The following CD8B2 variants were observed in gnomAD, a reference collection of about 807,000 sequenced individuals.
The protein encoded by CD8B2 is T-cell surface glycoprotein CD8 beta-2 chain.
In CD8B2, 11 loss-of-function variants were observed where a neutral mutation model predicts 23.7. That is an observed-to-expected ratio of 0.46 (90% CI 0.29 to 0.77). The LOEUF is 0.77. Ranked by LOEUF, CD8B2 falls within the 30% of genes least tolerant of loss-of-function variation. The pLI is 0.09. For synonymous variants in CD8B2, 90 were observed against 109.3 expected, an observed-to-expected ratio of 0.82 and a Z score of 1.10; for missense variants, 197 against 270.5, an observed-to-expected ratio of 0.73 and a Z score of 1.91.
At chr2:106,494,962 G>A (rs921232129) in intron 2 of CD8B2, among the ~76,000 whole-genome samples, 4 of 152,108 alleles carry the variant, frequency 2.6e-5, no homozygotes, top group African/African-American at 9.7e-5. Flanking sequence ...GCAGAAAAGG[G>A]CACCCCCTCC....
chr2:106,543,554 A>G (rs768899454), intron 5 of CD8B2, among the ~76,000 whole-genome samples: 30 of 151,874 alleles, frequency 2.0e-4, no homozygotes, highest in Non-Finnish European at 3.4e-4. Context: ...AATTAAACAA[A>G]ATAAAGAATA....
chr2:106,515,827 C>T (rs912295873), downstream of CD8B2, among the ~76,000 whole-genome samples: 7 of 89,840 alleles, frequency 7.8e-5, no homozygotes, highest in South Asian at 2.1e-3. Context: ...CTTTAGACTC[C>T]TCTTTTTTTT....
intron 1 of CD8B2, 72 bp downstream of exon 1, chr2:106,487,541 G>A (rs1679100613): frequency 1.1e-6 from 1 of 931,116 alleles, no homozygotes; most frequent in Non-Finnish European, 1.4e-6. Context: ...ATACGTGGCT[G>A]TCCTGGCCCT....
Position 106,507,357 on chromosome 2 carries a change from CT to C in CD8B2, c.*418del. The stretch of plus-strand genomic sequence containing the variant: ...CATGGGGTGATGCTGGGCTGGCTCC[CT>C]CTTGGTCTTCCCAGGCTGGGGCTGA... On this transcript the variant is annotated 3_prime_UTR_variant, in exon 6 of 6. Coordinates refer to ENST00000643224, the MANE Select transcript of CD8B2 (RefSeq NM_001349727.2). 1 of 990,296 alleles carries C rather than the reference CT, an allele frequency of 1.0e-6. No individual in the cohort carries two copies. The highest frequency in any genetic ancestry group is 1.2e-6 in the Non-Finnish European group (1 of 833,068). The allele number at this position is 990,296 out of a possible 1,614,324, so 61.3% of individuals were successfully genotyped here.
In CD8B2 at chr2:106,504,393, C is replaced by T. The variant is rs372288662; in HGVS notation, c.620+68C>T. ...TGCTGCAGCTTGCAGCCTCTAACTG[C>T]GGCGAGGAGCCAAAGTCAGACCTCA... On this transcript the variant is annotated intron_variant, in intron 5 of 5. Coordinates refer to ENST00000643224, the MANE Select transcript of CD8B2 (RefSeq NM_001349727.2). The T allele has an allele frequency of 7.7e-5, 119 of 1,551,812 alleles. No individual in the cohort carries two copies. In the African/African-American group the frequency reaches 1.1e-3, roughly 15 times the overall value.
At chr2:106,512,804 G>A (rs2104564149), downstream of CD8B2, among the ~76,000 whole-genome samples, 1 of 152,204 alleles carries the variant, frequency 6.6e-6, no homozygotes, top group Admixed American at 6.5e-5. Flanking sequence ...TGTGTGCCCA[G>A]CCAGCCCTGT....
At chr2:106,522,697 GA>G (rs1174418504) in intron 5 of CD8B2, among the ~76,000 whole-genome samples, 6 of 152,154 alleles carry the variant, frequency 3.9e-5, no homozygotes, top group Non-Finnish European at 8.8e-5. Context: ...GAGCCACTGG[GA>G]CTCACATACT....
chr2:106,519,884 G>A (rs2104567820), intron 5 of CD8B2, among the ~76,000 whole-genome samples: 1 of 152,334 alleles, frequency 6.6e-6, no homozygotes, highest in East Asian at 1.9e-4. Flanking sequence ...GAGCCCGTGG[G>A]CCACAGGTTG....
In CD8B2 at chr2:106,524,181, G is replaced by A. The variant is rs190879972; in HGVS notation, c.621-19811G>A. Among the ~76,000 whole-genome samples, 214 of 152,284 alleles carry A rather than the reference G, an allele frequency of 1.4e-3. 2 individuals carry two copies. Among genetic ancestry groups the A allele is most frequent in the Admixed American group, 4.8e-3 (74 of 15,292 alleles). On this transcript the variant is annotated intron_variant, in intron 5 of 5. Coordinates refer to the CD8B2 transcript ENST00000416057. ...TTCCCACTAGCCTGACATAATAGTA[G>A]GCTGGCTTCCTGGGCTGGTTATTGT...
chr2:106,499,524 C>T (rs1427151279), intron 3 of CD8B2, among the ~76,000 whole-genome samples: 1 of 110,604 alleles, frequency 9.0e-6, no homozygotes. Context: ...AGAGCAAGAC[C>T]CTGTCTCAAA....
chr2:106,527,343 G>T (rs1477833602), intron 5 of CD8B2, among the ~76,000 whole-genome samples: 2 of 152,218 alleles, frequency 1.3e-5, no homozygotes, highest in Non-Finnish European at 2.9e-5. Flanking sequence ...CTGGTCGCAG[G>T]TTCCTGCAAC....
intron 2 of CD8B2, among the ~76,000 whole-genome samples, chr2:106,495,358 T>G (rs1207349063): frequency 6.6e-6 from 1 of 151,840 alleles, no homozygotes; most frequent in Non-Finnish European, 1.5e-5. Flanking sequence ...CCGTCTCTAC[T>G]AAAAATACAA....
intron 5 of CD8B2, chr2:106,537,968 T>C (rs2104576740): frequency 6.6e-6 from 1 of 152,300 alleles, no homozygotes; most frequent in East Asian, 1.9e-4. Context: ...GTGAGGCTCC[T>C]TTTCTGACCT....
chr2:106,517,827 C>G (rs1191472682), intron 5 of CD8B2, among the ~76,000 whole-genome samples: 3 of 152,068 alleles, frequency 2.0e-5, no homozygotes. Context: ...GTTCTCCTGC[C>G]TCAGCCTCCC....
At chr2:106,535,869 G>T (rs571764181) in intron 5 of CD8B2, among the ~76,000 whole-genome samples, 1 of 152,228 alleles carries the variant, frequency 6.6e-6, no homozygotes, top group East Asian at 1.9e-4. Context: ...GGGTTAATGG[G>T]CTGACAGTTC....
intron 5 of CD8B2, among the ~76,000 whole-genome samples, chr2:106,532,544 A>G (rs1393429681): frequency 6.6e-6 from 1 of 152,262 alleles, no homozygotes; most frequent in Non-Finnish European, 1.5e-5. Flanking sequence ...AGTAGCCCCA[A>G]GGGCTGCCAG....
chr2:106,487,974 C>T (rs1679110558), intron 1 of CD8B2, among the ~76,000 whole-genome samples: 1 of 152,104 alleles, frequency 6.6e-6, no homozygotes. Context: ...TCCCGTTCTC[C>T]CTGATGTGGC....
intron 5 of CD8B2, among the ~76,000 whole-genome samples, chr2:106,520,577 C>T (rs1434149129): frequency 6.6e-6 from 1 of 152,186 alleles, no homozygotes; most frequent in Non-Finnish European, 1.5e-5. Flanking sequence ...GACATGAACA[C>T]ACACAAGGAG....
intron 5 of CD8B2, among the ~76,000 whole-genome samples, chr2:106,506,079 G>A (rs1024226554): frequency 6.6e-6 from 1 of 151,984 alleles, no homozygotes; most frequent in Non-Finnish European, 1.5e-5. Flanking sequence ...AGGTTGCAAT[G>A]AGCAGAGATC....
Sources: gnomAD v4.1 joint callset for allele counts (sites outside exome capture counted in the v4.1 genomes callset) on GRCh38, gnomAD v4.1.1 for gene constraint, MANE v1.5 for transcripts, NCBI Gene and HGNC (gene_info 2026-07-23, HGNC 2026-07-21) for gene names.